The following IL1RAPL1 variants were observed in gnomAD, a reference collection of about 807,000 sequenced individuals.
The protein encoded by IL1RAPL1 is interleukin-1 receptor accessory protein-like 1.
In IL1RAPL1, 3 loss-of-function variants were observed where a neutral mutation model predicts 48.4. That is an observed-to-expected ratio of 0.06 (90% confidence interval 0.03 to 0.16). IL1RAPL1 has a LOEUF of 0.16. IL1RAPL1 is among the 10% of genes least tolerant of loss of function. The probability of loss-of-function intolerance (pLI) is 1.00; values close to 1 mark genes in which losing one functional copy is unlikely to be tolerated. For synonymous variants in IL1RAPL1, 185 were observed against 187.7 expected (o/e 0.99, Z 0.12); for missense variants, 349 against 530.6 (o/e 0.66, Z 3.36).
In IL1RAPL1 at chrX:29,263,267, T is replaced by A. The variant is rs149703338; in HGVS notation, c.83-19671T>A. On this transcript the variant is annotated intron_variant, in intron 2 of 10. Coordinates refer to ENST00000378993, the MANE Select transcript of IL1RAPL1 (RefSeq NM_014271.4). ...AGTAAAGAAAGAATGAAGGACTGAT[T>A]ATTGGACATTTGTTATTAATGATCT... Among the ~76,000 whole-genome samples the A allele has an allele frequency of 4.4e-3, 493 of 112,176 alleles. 1 individual carries two copies. Among genetic ancestry groups the A allele is most frequent in the African/African-American group, 0.015 (452 of 30,909 alleles).
intron 2 of IL1RAPL1, among the ~76,000 whole-genome samples, chrX:28,987,410 G>A (rs369907670): frequency 1.8e-5 from 2 of 112,011 alleles, no homozygotes; most frequent in Admixed American, 1.9e-4. Flanking sequence ...CTGACATCCT[G>A]CCTGCTCCCT....
intron 2 of IL1RAPL1, among the ~76,000 whole-genome samples, chrX:28,798,974 T>C (rs1280381983): frequency 8.9e-6 from 1 of 111,756 alleles, no homozygotes; most frequent in Non-Finnish European, 1.9e-5. Flanking sequence ...CCCCTTTTCT[T>C]TGTGGTAGGC....
Position 28,922,320 on chromosome X carries a change from A to G in IL1RAPL1, c.82+132895A>G, listed in dbSNP as rs113815927. Reference sequence around the variant, plus strand: ...GATTGTTGGGCAATGTAGTCCTGCAATGTGAAATTCTTGTATGCATTCCTT... The same window carrying G: ...GATTGTTGGGCAATGTAGTCCTGCAGTGTGAAATTCTTGTATGCATTCCTT... On this transcript the variant is annotated intron_variant, in intron 2 of 10. Coordinates refer to ENST00000378993, the MANE Select transcript of IL1RAPL1 (RefSeq NM_014271.4). Among the ~76,000 whole-genome samples the G allele has an allele frequency of 2.1e-3, 241 of 112,230 alleles. 1 individual carries two copies. The highest frequency in any genetic ancestry group is 9.2e-3 in the Middle Eastern group (2 of 218).
chrX:29,750,540 T>C (rs1303388198), intron 6 of IL1RAPL1, among the ~76,000 whole-genome samples: 2 of 112,059 alleles, frequency 1.8e-5, no homozygotes, highest in Non-Finnish European at 3.8e-5. Flanking sequence ...GAGCCTCATA[T>C]AGGATACATT....
At chrX:29,819,815 T>C (rs1930571275) in intron 6 of IL1RAPL1, among the ~76,000 whole-genome samples, 1 of 104,948 alleles carries the variant, frequency 9.5e-6, no homozygotes. Context: ...CATCAGGCTC[T>C]ACTATATTTA....
chrX:29,731,438 C>T (rs945056701), intron 6 of IL1RAPL1, among the ~76,000 whole-genome samples: 3 of 112,084 alleles, frequency 2.7e-5, no homozygotes, highest in African/African-American at 9.7e-5. Flanking sequence ...TCAAAGACAT[C>T]TGATGTGGAG....
chrX:29,415,250 T>C (rs1934198978), intron 5 of IL1RAPL1, among the ~76,000 whole-genome samples: 1 of 111,602 alleles, frequency 9.0e-6, no homozygotes, highest in African/African-American at 3.3e-5. Flanking sequence ...GTTTAAAACT[T>C]ATGTGATATT....
chrX:29,344,058 A>C (rs1169685587), intron 3 of IL1RAPL1, among the ~76,000 whole-genome samples: 1 of 112,691 alleles, frequency 8.9e-6, no homozygotes, highest in Non-Finnish European at 1.9e-5. Flanking sequence ...TTTGCCATAC[A>C]TATGAAAATA....
intron 2 of IL1RAPL1, among the ~76,000 whole-genome samples, chrX:29,111,240 G>T (rs1258757231): frequency 4.5e-5 from 5 of 111,264 alleles, no homozygotes; most frequent in Non-Finnish European, 9.4e-5. Context: ...TCTGAATTTT[G>T]TATTTGTCAT....
At chrX:28,659,544 G>T in intron 1 of IL1RAPL1, 1 of 443,469 alleles carries the variant, frequency 2.3e-6, no homozygotes. Context: ...GCGCTGGCTA[G>T]AGGCGAGCTA....
intron 1 of IL1RAPL1, among the ~76,000 whole-genome samples, chrX:28,755,644 G>A (rs147098334): frequency 2.8e-3 from 312 of 111,797 alleles, no homozygotes; most frequent in African/African-American, 9.7e-3. Flanking sequence ...ATTTCATGTC[G>A]GAATCCATGG....
intron 2 of IL1RAPL1, among the ~76,000 whole-genome samples, chrX:29,057,438 C>CT (rs1268940227): frequency 6.1e-5 from 6 of 98,793 alleles, no homozygotes; most frequent in East Asian, 3.1e-4. Context: ...CTTTTTTTTT[C>CT]TTTTTTTTGA....
intron 2 of IL1RAPL1, among the ~76,000 whole-genome samples, chrX:28,881,927 C>G (rs1180850164): frequency 9.2e-6 from 1 of 109,283 alleles, no homozygotes; most frequent in Non-Finnish European, 1.9e-5. Flanking sequence ...TATGGATGTG[C>G]CAAAAGGAGA....
intron 6 of IL1RAPL1, among the ~76,000 whole-genome samples, chrX:29,720,395 C>T (rs1281225552): frequency 2.7e-5 from 3 of 111,103 alleles, no homozygotes; most frequent in Admixed American, 9.6e-5. Flanking sequence ...AAATGTGGCA[C>T]ATATACACCA....
At chrX:29,893,524 C>A (rs141117345) in intron 6 of IL1RAPL1, among the ~76,000 whole-genome samples, 1 of 110,285 alleles carries the variant, frequency 9.1e-6, no homozygotes, top group Non-Finnish European at 1.9e-5. Context: ...ATCATCTTGA[C>A]GTTTAAGATT....
intron 2 of IL1RAPL1, among the ~76,000 whole-genome samples, chrX:29,261,212 T>C (rs1258563866): frequency 1.8e-5 from 2 of 110,605 alleles, no homozygotes; most frequent in African/African-American, 6.6e-5. Context: ...CACATGCCAC[T>C]GCATGATTCT....
At chrX:29,085,166 TATATAATAAA>T (rs1387827838) in intron 2 of IL1RAPL1, among the ~76,000 whole-genome samples, 1 of 111,646 alleles carries the variant, frequency 9.0e-6, no homozygotes, top group African/African-American at 3.2e-5. Flanking sequence ...AACTAACAAA[TATATAATAAA>T]GTATAATATT....
At chrX:29,138,775 T>TAAAA (rs751624483) in intron 2 of IL1RAPL1, among the ~76,000 whole-genome samples, 3 of 67,352 alleles carry the variant, frequency 4.5e-5, no homozygotes, top group African/African-American at 1.6e-4. Context: ...AGACTCCATC[T>TAAAA]AAAAAAAAAA....
At chrX:29,075,534 T>C (rs998970232) in intron 2 of IL1RAPL1, among the ~76,000 whole-genome samples, 3 of 112,047 alleles carry the variant, frequency 2.7e-5, no homozygotes, top group African/African-American at 9.7e-5. Flanking sequence ...AAACTGAAGA[T>C]TTTGAAAATG....
Sources: gnomAD v4.1 joint callset for allele counts (sites outside exome capture counted in the v4.1 genomes callset) on GRCh38, gnomAD v4.1.1 for gene constraint, MANE v1.5 for transcripts, NCBI Gene and HGNC (gene_info 2026-07-23, HGNC 2026-07-21) for gene names.